Variants in ALG12 observed in about 807,000 individuals in gnomAD.
ALG12 encodes the protein dol-P-Man:Man(7)GlcNAc(2)-PP-Dol alpha-1,6-mannosyltransferase.
A neutral mutation model predicts 46.0 loss-of-function variants in ALG12; 36 were observed. The observed-to-expected ratio is 0.78, with a 90% confidence interval of 0.60 to 1.03. ALG12 has a LOEUF of 1.03. Ranked by LOEUF, ALG12 falls within the 50% of genes least tolerant of loss-of-function variation. The pLI is 0.00. For synonymous variants in ALG12, 326 were observed against 291.6 expected (o/e 1.12, Z -1.20); for missense variants, 599 against 633.5 (o/e 0.95, Z 0.58).
chr22:49,883,497 GA>G, the ALG12 span: 1 of 961,404 alleles, frequency 1.0e-6, no homozygotes. Context: ...ATGAGTCACA[GA>G]TTCTTTTTTT....
the ALG12 span, among the ~76,000 whole-genome samples, chr22:49,890,672 G>A: frequency 6.6e-6 from 1 of 152,136 alleles, no homozygotes; most frequent in African/African-American, 2.4e-5. Context: ...GCTTTCCTGG[G>A]TGTGTTTTTG....
rs1255111280 is a variant in ALG12, at chr22:49,906,158, G to A, written c.992+1563C>T. 6.6e-6 allele frequency among the ~76,000 whole-genome samples: 1 copy of A among 152,172 alleles called. No homozygotes were observed. Among genetic ancestry groups the A allele is most frequent in the Non-Finnish European group, 1.5e-5 (1 of 68,022 alleles). On this transcript the variant is annotated intron_variant, in intron 7 of 9. Coordinates refer to ENST00000330817, the MANE Select transcript of ALG12 (RefSeq NM_024105.4). This position sits in a 1 kb window ranked among gnomAD's most constrained non-coding sequence, Gnocchi z 4.4. ...GGCACAGCAGGGGCCCTTGCATGGA[G>A]CAGCCCCTCACGCCCAGCACACCAG...
chr22:49,870,952 T>A, the ALG12 span, among the ~76,000 whole-genome samples: 2 of 151,500 alleles, frequency 1.3e-5, no homozygotes, highest in Non-Finnish European at 2.9e-5. Context: ...GATTTTTTTT[T>A]TTTTTTGAGA....
the ALG12 span, among the ~76,000 whole-genome samples, chr22:49,874,413 T>C: frequency 6.6e-6 from 1 of 150,704 alleles, no homozygotes; most frequent in Non-Finnish European, 1.5e-5. Context: ...TTAGATGGAG[T>C]CTTGCTCTAT....
chr22:49,869,614 C>G, the ALG12 span, among the ~76,000 whole-genome samples: 1 of 152,116 alleles, frequency 6.6e-6, no homozygotes, highest in Non-Finnish European at 1.5e-5. Flanking sequence ...CATTGTTTCT[C>G]TTAAAAAGTC....
chr22:49,860,841 C>T, the ALG12 span, among the ~76,000 whole-genome samples: 1 of 148,820 alleles, frequency 6.7e-6, no homozygotes, highest in African/African-American at 2.5e-5. Flanking sequence ...TGCAGTGGCT[C>T]GATCTTGGCT....
At chr22:49,898,756 CTTTCT>C (rs553289489), downstream of ALG12, among the ~76,000 whole-genome samples, 123 of 152,004 alleles carry the variant, frequency 8.1e-4, 1 homozygote, top group African/African-American at 2.8e-3. Context: ...TTTTCTTTCT[CTTTCT>C]TTTCTTAAGA....
chr22:49,882,983 T>G, the ALG12 span, among the ~76,000 whole-genome samples: 2 of 152,258 alleles, frequency 1.3e-5, no homozygotes, highest in African/African-American at 4.8e-5. Context: ...AATTCAGCTT[T>G]GCTGATTATA....
chr22:49,872,675 G>A, the ALG12 span, among the ~76,000 whole-genome samples: 2 of 151,644 alleles, frequency 1.3e-5, no homozygotes, highest in South Asian at 2.1e-4. Flanking sequence ...GACTGCAGGT[G>A]TATGCCACCA....
chr22:49,911,681 G>A (rs889379429), intron 3 of ALG12, among the ~76,000 whole-genome samples: 41 of 152,186 alleles, frequency 2.7e-4, no homozygotes, highest in African/African-American at 8.9e-4. Context: ...TGATCCCCCC[G>A]CCTCGGCCTC....
At chr22:49,894,812 G>A in the ALG12 span, among the ~76,000 whole-genome samples, 7 of 152,226 alleles carry the variant, frequency 4.6e-5, no homozygotes, top group Non-Finnish European at 7.3e-5. Flanking sequence ...CCGGACGGCC[G>A]TCTCCTCCCT....
At chr22:49,904,575 A>C in intron 7 of ALG12, 69 bp from the exon 8 acceptor site, 1 of 1,559,616 alleles carries the variant, frequency 6.4e-7, no homozygotes, top group Non-Finnish European at 8.8e-7. Context: ...CCTACAAAAC[A>C]TACTAGGAGC....
At chr22:49,895,805 C>A (rs966931793), downstream of ALG12, among the ~76,000 whole-genome samples, 2 of 152,094 alleles carry the variant, frequency 1.3e-5, no homozygotes, top group Admixed American at 6.5e-5. Flanking sequence ...TAAAGAATTG[C>A]CTTCTACTTA....
chr22:49,892,463 C>G, the ALG12 span, among the ~76,000 whole-genome samples: 1 of 152,186 alleles, frequency 6.6e-6, no homozygotes, highest in African/African-American at 2.4e-5. Context: ...GAGAAGTGGC[C>G]GAATTCCCAG....
At chr22:49,888,000 GCTGT>G in the ALG12 span, 1 of 167,238 alleles carries the variant, frequency 6.0e-6, no homozygotes, top group African/African-American at 2.4e-5. Context: ...ACGCTCTGAA[GCTGT>G]CTTTCAAAAT....
chr22:49,910,710 T>A, intron 3 of ALG12, 103 bp from the exon 4 acceptor site: 1 of 1,365,488 alleles, frequency 7.3e-7, no homozygotes, highest in Non-Finnish European at 1.0e-6. Context: ...TGGAGTTTTC[T>A]ATGCTGCTGC....
the ALG12 span, chr22:49,889,461 G>A: frequency 6.0e-6 from 1 of 167,016 alleles, no homozygotes; most frequent in African/African-American, 2.4e-5. Context: ...GCCTTTATGG[G>A]GTTTTTTTTG....
the ALG12 span, among the ~76,000 whole-genome samples, chr22:49,880,502 G>A: frequency 1.3e-5 from 2 of 152,328 alleles, no homozygotes; most frequent in East Asian, 3.9e-4. Flanking sequence ...GGGCAGGTGG[G>A]GCTCCCTCTT....
At chr22:49,883,871 C>T in the ALG12 span, 1 of 1,605,818 alleles carries the variant, frequency 6.2e-7, no homozygotes, top group Admixed American at 1.7e-5. Flanking sequence ...AGCTGCAAGC[C>T]CCCGGGGAAG....
Sources: allele counts gnomAD v4.1 joint callset (sites outside exome capture counted in the v4.1 genomes callset), GRCh38; gene constraint gnomAD v4.1.1; non-coding constraint Gnocchi (gnomAD v3.1); transcripts MANE v1.5; gene names NCBI Gene and HGNC (gene_info 2026-07-23, HGNC 2026-07-21).